The following SYT16 variants were observed in gnomAD, a reference collection of about 807,000 sequenced individuals.
SYT16 encodes synaptotagmin-16.
Under a neutral mutation model 61.4 loss-of-function variants are expected in SYT16, and 42 were observed. The ratio of observed to expected loss-of-function variants is 0.68; its 90% CI spans 0.53 to 0.89. The LOEUF (loss-of-function observed/expected upper bound fraction) is 0.89, where lower values mean the gene tolerates loss of function less well. SYT16 is among the 40% of genes least tolerant of loss of function. The pLI, the probability that SYT16 is intolerant of heterozygous loss-of-function variation, is 0.00. For synonymous variants in SYT16, 314 were observed against 302.3 expected (o/e 1.04, Z -0.40); for missense variants, 804 against 807.3 (o/e 1.00, Z 0.05).
intron 3 of SYT16, among the ~76,000 whole-genome samples, chr14:62,017,016 T>A (rs1196549274): frequency 2.6e-5 from 4 of 152,208 alleles, no homozygotes; most frequent in Non-Finnish European, 5.9e-5. Flanking sequence ...TTTGCTGAAA[T>A]TCTGCCATAA....
intron 1 of SYT16, among the ~76,000 whole-genome samples, chr14:61,908,279 T>G (rs1202310064): frequency 6.6e-6 from 1 of 152,208 alleles, no homozygotes; most frequent in Non-Finnish European, 1.5e-5. Flanking sequence ...ATCAAACATA[T>G]GCCATGGATT....
chr14:62,059,402 A>G (rs1176821698), intron 3 of SYT16, among the ~76,000 whole-genome samples: 1 of 152,134 alleles, frequency 6.6e-6, no homozygotes. Flanking sequence ...TGTGTTATTT[A>G]TGAGTTGTAA....
At chr14:61,881,392 A>G (rs563516176) in intron 1 of SYT16, among the ~76,000 whole-genome samples, 24 of 152,308 alleles carry the variant, frequency 1.6e-4, no homozygotes, top group African/African-American at 5.3e-4. Flanking sequence ...ACTCACTTTT[A>G]TCTGGCTTCC....
At chr14:62,095,358 T>A (rs893753951) in intron 7 of SYT16, among the ~76,000 whole-genome samples, 3 of 151,970 alleles carry the variant, frequency 2.0e-5, no homozygotes, top group Admixed American at 2.0e-4. Context: ...CTGCCATTCA[T>A]TATTTGTAGA....
At chr14:61,984,963 G>A (rs909146671) in intron 2 of SYT16, among the ~76,000 whole-genome samples, 2 of 152,230 alleles carry the variant, frequency 1.3e-5, no homozygotes, top group Non-Finnish European at 2.9e-5. Flanking sequence ...CGGTAGACCT[G>A]AGAGACATCA....
Position 62,025,370 on chromosome 14 carries a change from A to G in SYT16, c.523+28828A>G, listed in dbSNP as rs953645299. Among the ~76,000 whole-genome samples, 3 of 152,086 alleles carry G rather than the reference A, an allele frequency of 2.0e-5. No individual in the cohort carries two copies. The East Asian group carries it at 5.8e-4, about 29-fold the overall frequency. On this transcript the variant is annotated intron_variant, in intron 3 of 7. Transcript: ENST00000683842. ...TGTATGAGGGTGAGTGTATTTTCCT[A>G]TGCTTATTTGCCATTGGTATATATT...
chr14:62,061,679 C>T (rs114044879), intron 3 of SYT16, among the ~76,000 whole-genome samples: 4,429 of 152,124 alleles, frequency 0.029, 235 homozygotes, highest in African/African-American at 0.1. Flanking sequence ...GTAAAGTGGT[C>T]AATTCATCAA....
intron 1 of SYT16, among the ~76,000 whole-genome samples, chr14:61,962,290 A>G (rs980712708): frequency 6.6e-6 from 1 of 152,082 alleles, no homozygotes. Flanking sequence ...AAGTTTTGCC[A>G]GGTAAATATT....
chr14:61,986,625 C>A (rs1050756667), intron 2 of SYT16, among the ~76,000 whole-genome samples: 1 of 151,876 alleles, frequency 6.6e-6, no homozygotes, highest in African/African-American at 2.4e-5. Context: ...CAACAGGCCC[C>A]GGTGTGTGAT....
intron 1 of SYT16, among the ~76,000 whole-genome samples, chr14:61,852,224 G>A (rs2046639208): frequency 6.6e-6 from 1 of 152,078 alleles, no homozygotes; most frequent in African/African-American, 2.4e-5. Flanking sequence ...AGATCAGATG[G>A]TTGTAGGTGT....
chr14:61,852,656 AG>A (rs2046651801), intron 1 of SYT16, among the ~76,000 whole-genome samples: 1 of 151,942 alleles, frequency 6.6e-6, no homozygotes, highest in Non-Finnish European at 1.5e-5. Flanking sequence ...CTGTATTCCT[AG>A]GTATTTTATT....
At chr14:61,865,969 TAAG>T (rs2047139549) in intron 1 of SYT16, among the ~76,000 whole-genome samples, 1 of 152,210 alleles carries the variant, frequency 6.6e-6, no homozygotes, top group African/African-American at 2.4e-5. Context: ...ACTGTTTACT[TAAG>T]AAATTATTGG....
chr14:61,822,650 G>A (rs978951780), intron 1 of SYT16, among the ~76,000 whole-genome samples: 1 of 152,216 alleles, frequency 6.6e-6, no homozygotes, highest in Non-Finnish European at 1.5e-5. Context: ...CTGCTATTGG[G>A]GAAGTCCATC....
chr14:61,827,887 T>C (rs1268449517), intron 1 of SYT16, among the ~76,000 whole-genome samples: 1 of 152,228 alleles, frequency 6.6e-6, no homozygotes, highest in Non-Finnish European at 1.5e-5. Flanking sequence ...TATTCTCTGA[T>C]GGGCCAAATT....
intron 3 of SYT16, among the ~76,000 whole-genome samples, chr14:62,026,748 C>G (rs2054117991): frequency 6.6e-6 from 1 of 152,144 alleles, no homozygotes; most frequent in Admixed American, 6.6e-5. Context: ...AGAAGGTACT[C>G]AGAGAATATA....
intron 4 of SYT16, among the ~76,000 whole-genome samples, chr14:62,073,739 C>T (rs1225014470): frequency 1.3e-5 from 2 of 152,132 alleles, no homozygotes; most frequent in African/African-American, 4.8e-5. Flanking sequence ...GCTTACTATA[C>T]ATGGGTCATG....
At chr14:62,043,407 CTTTTTTT>C (rs1203186408) in intron 3 of SYT16, among the ~76,000 whole-genome samples, 1 of 122,558 alleles carries the variant, frequency 8.2e-6, no homozygotes, top group Admixed American at 8.8e-5. Context: ...ATTTTTCTTT[CTTTTTTT>C]TTTTTTTTTT....
At chr14:61,864,154 A>T (rs183220269) in intron 1 of SYT16, among the ~76,000 whole-genome samples, 3 of 152,224 alleles carry the variant, frequency 2.0e-5, no homozygotes, top group Non-Finnish European at 4.4e-5. Context: ...CCATTCACCA[A>T]TTGGTAGACT....
intron 1 of SYT16, among the ~76,000 whole-genome samples, chr14:61,893,149 C>T (rs893872226): frequency 1.3e-4 from 20 of 152,190 alleles, no homozygotes; most frequent in South Asian, 2.1e-4. Flanking sequence ...AGAAGAGATA[C>T]TGGGAAACTT....
Sources: allele counts gnomAD v4.1 joint callset (sites outside exome capture counted in the v4.1 genomes callset), GRCh38; gene constraint gnomAD v4.1.1; transcripts MANE v1.5; gene names NCBI Gene and HGNC (gene_info 2026-07-23, HGNC 2026-07-21).